Variants in FSHR observed in about 807,000 individuals in gnomAD.
FSHR encodes the protein follicle stimulating hormone receptor, also known as follicle-stimulating hormone receptor.
In FSHR, 46 loss-of-function variants were observed where a neutral mutation model predicts 52.1. That is an observed-to-expected ratio of 0.88 (90% CI 0.70 to 1.13). FSHR has a LOEUF of 1.13. Ranked by LOEUF, FSHR falls within the 50% of genes most tolerant of loss-of-function variation. The pLI, the probability that FSHR is intolerant of heterozygous loss-of-function variation, is 0.00. For synonymous variants in FSHR, 399 were observed against 309.6 expected, an observed-to-expected ratio of 1.29 and a Z score of -3.03; for missense variants, 964 against 834.6, an observed-to-expected ratio of 1.16 and a Z score of -1.91.
At chr2:49,030,271 A>AGTGTGTGTGTGTGT (rs141079184) in intron 2 of FSHR, among the ~76,000 whole-genome samples, 45 of 140,468 alleles carry the variant, frequency 3.2e-4, no homozygotes, top group Middle Eastern at 3.7e-3. Context: ...AGGAATAGCA[A>AGTGTGTGTGTGTGT]GTGTGTGTGT....
At chr2:49,106,873 C>T (rs1317434316) in intron 1 of FSHR, among the ~76,000 whole-genome samples, 1 of 152,178 alleles carries the variant, frequency 6.6e-6, no homozygotes, top group Non-Finnish European at 1.5e-5. Flanking sequence ...CTCTGCAGCT[C>T]TGTGGGGTCT....
intron 1 of FSHR, among the ~76,000 whole-genome samples, chr2:49,119,128 C>A (rs1400830442): frequency 6.6e-6 from 1 of 152,048 alleles, no homozygotes. Context: ...TGACGTGGAC[C>A]CCGGAAATTT....
At chr2:49,032,584 A>G (rs1466225165) in intron 2 of FSHR, among the ~76,000 whole-genome samples, 2 of 152,218 alleles carry the variant, frequency 1.3e-5, no homozygotes, top group East Asian at 1.9e-4. Flanking sequence ...TTTCCTGCTA[A>G]TAGCAGGTGC....
chr2:49,103,919 A>G (rs989168820), intron 1 of FSHR, among the ~76,000 whole-genome samples: 1 of 150,308 alleles, frequency 6.7e-6, no homozygotes, highest in Non-Finnish European at 1.5e-5. Flanking sequence ...TTGCTGCCCC[A>G]TTGGTTTTCC....
At chr2:49,095,992 A>G (rs1221552303) in intron 1 of FSHR, among the ~76,000 whole-genome samples, 1 of 152,210 alleles carries the variant, frequency 6.6e-6, no homozygotes, top group Non-Finnish European at 1.5e-5. Context: ...ATGAAGATAA[A>G]TTGGAATGCT....
At chr2:48,991,664 T>C (rs957597239) in intron 4 of FSHR, among the ~76,000 whole-genome samples, 7 of 152,202 alleles carry the variant, frequency 4.6e-5, no homozygotes, top group African/African-American at 1.7e-4. Flanking sequence ...TGAGTGAAGC[T>C]GGATGAAATG....
intron 2 of FSHR, among the ~76,000 whole-genome samples, chr2:49,023,518 C>T (rs1337007860): frequency 6.6e-6 from 1 of 152,122 alleles, no homozygotes; most frequent in Non-Finnish European, 1.5e-5. Context: ...TTGTCTATGA[C>T]TTAGGATTTT....
chr2:49,077,136 C>T (rs1318462704), intron 1 of FSHR, among the ~76,000 whole-genome samples: 1 of 152,248 alleles, frequency 6.6e-6, no homozygotes, highest in East Asian at 1.9e-4. Context: ...ACTGCCCTAG[C>T]AGAGGCTCTC....
At chr2:49,135,525 A>C (rs1000315924) in intron 1 of FSHR, among the ~76,000 whole-genome samples, 10 of 152,206 alleles carry the variant, frequency 6.6e-5, no homozygotes, top group Admixed American at 1.3e-4. Context: ...TTTCAAATTA[A>C]TAACCCAACC....
chr2:49,116,583 C>T (rs184442012), intron 1 of FSHR, among the ~76,000 whole-genome samples: 3 of 152,176 alleles, frequency 2.0e-5, no homozygotes, highest in Non-Finnish European at 4.4e-5. Flanking sequence ...CTGTGCCTAA[C>T]ACATGGCTAA....
chr2:48,992,325 T>C (rs1049863866), intron 4 of FSHR, among the ~76,000 whole-genome samples: 5 of 152,194 alleles, frequency 3.3e-5, no homozygotes, highest in Admixed American at 6.5e-5. Flanking sequence ...GTTTTCCCTT[T>C]GTAGTTCATC....
intron 1 of FSHR, among the ~76,000 whole-genome samples, chr2:49,134,640 C>T (rs1672420863): frequency 6.6e-6 from 1 of 152,124 alleles, no homozygotes; most frequent in South Asian, 2.1e-4. Context: ...GCACTATTCA[C>T]AATAGCAAAG....
At chr2:49,012,095 A>C (rs1408965340) in intron 4 of FSHR, among the ~76,000 whole-genome samples, 1 of 152,062 alleles carries the variant, frequency 6.6e-6, no homozygotes. Context: ...GATGGTTGTC[A>C]GTGGGGCATG....
chr2:49,149,929 G>C (rs1673004237), intron 1 of FSHR, among the ~76,000 whole-genome samples: 1 of 152,002 alleles, frequency 6.6e-6, no homozygotes, highest in Non-Finnish European at 1.5e-5. Flanking sequence ...CTTAAGACAA[G>C]AATGACCATC....
At chr2:49,147,773 C>T (rs1352649566) in intron 1 of FSHR, among the ~76,000 whole-genome samples, 2 of 151,850 alleles carry the variant, frequency 1.3e-5, no homozygotes, top group Non-Finnish European at 2.9e-5. Flanking sequence ...CTCCCTTCCC[C>T]CAGCCCAATT....
chr2:49,012,752 G>A (rs964371196), intron 4 of FSHR, among the ~76,000 whole-genome samples: 1 of 152,030 alleles, frequency 6.6e-6, no homozygotes, highest in Non-Finnish European at 1.5e-5. Flanking sequence ...TTTTTCTCTT[G>A]AAGCAAGTAG....
intron 2 of FSHR, among the ~76,000 whole-genome samples, chr2:49,025,437 A>G (rs1472595927): frequency 6.6e-6 from 1 of 152,204 alleles, no homozygotes; most frequent in Admixed American, 6.5e-5. Context: ...TTGCTTTTCA[A>G]TACAACAAGA....
chr2:49,067,315 G>C (rs1363094018), intron 2 of FSHR, among the ~76,000 whole-genome samples: 1 of 151,946 alleles, frequency 6.6e-6, no homozygotes, highest in Non-Finnish European at 1.5e-5. Flanking sequence ...TTCCTTTCTT[G>C]CTTCTTCAGA....
chr2:49,062,887 A>T (rs1437412143), intron 2 of FSHR, among the ~76,000 whole-genome samples: 1 of 152,150 alleles, frequency 6.6e-6, no homozygotes, highest in Non-Finnish European at 1.5e-5. Context: ...AATGGATATT[A>T]TAAAAAAAAC....
Sources: allele counts gnomAD v4.1 joint callset (sites outside exome capture counted in the v4.1 genomes callset), GRCh38; gene constraint gnomAD v4.1.1; transcripts MANE v1.5; gene names NCBI Gene and HGNC (gene_info 2026-07-23, HGNC 2026-07-21).